The following KCNIP4 variants were observed in gnomAD, a reference collection of about 807,000 sequenced individuals.
KCNIP4 encodes the protein Kv channel-interacting protein 4.
In KCNIP4, 12 loss-of-function variants were observed where a neutral mutation model predicts 34.0. That is an observed-to-expected ratio of 0.35 (90% CI 0.23 to 0.57). The LOEUF (loss-of-function observed/expected upper bound fraction) is 0.57, where lower values mean the gene tolerates loss of function less well. Among genes scored for constraint, KCNIP4 ranks in the 20% least tolerant of loss-of-function variants. The pLI, the probability that KCNIP4 is intolerant of heterozygous loss-of-function variation, is 0.83. For missense variants in KCNIP4, 238 were observed against 311.7 expected, an observed-to-expected ratio of 0.76 and a Z score of 1.78; for synonymous variants, 124 against 102.2, an observed-to-expected ratio of 1.21 and a Z score of -1.29.
At chr4:20,944,022 T>C (rs1731926415) in intron 1 of KCNIP4, among the ~76,000 whole-genome samples, 1 of 152,196 alleles carries the variant, frequency 6.6e-6, no homozygotes, top group Non-Finnish European at 1.5e-5. Flanking sequence ...CCTTGACCAG[T>C]TGCTCTACCT....
intron 1 of KCNIP4, among the ~76,000 whole-genome samples, chr4:21,729,544 A>G (rs1031278033): frequency 6.6e-6 from 1 of 151,754 alleles, no homozygotes; most frequent in Admixed American, 6.6e-5. Flanking sequence ...GCTGTGTTCT[A>G]TGGAGCCTCA....
chr4:21,419,693 G>A (rs1209307404), intron 1 of KCNIP4, among the ~76,000 whole-genome samples: 4 of 152,080 alleles, frequency 2.6e-5, no homozygotes, highest in African/African-American at 9.7e-5. Flanking sequence ...AAAGTAAGGA[G>A]AGGGAGGAAA....
At chr4:21,880,222 T>A (rs894843552) in intron 1 of KCNIP4, among the ~76,000 whole-genome samples, 3 of 152,208 alleles carry the variant, frequency 2.0e-5, no homozygotes, top group Admixed American at 2.0e-4. Context: ...ACCAAAAATG[T>A]TTCATCATAT....
intron 1 of KCNIP4, among the ~76,000 whole-genome samples, chr4:21,345,006 T>C (rs1717149417): frequency 6.6e-6 from 1 of 152,126 alleles, no homozygotes; most frequent in Admixed American, 6.6e-5. Context: ...ATTCTTCTCT[T>C]CCAGTGGTGG....
intron 3 of KCNIP4, among the ~76,000 whole-genome samples, chr4:20,818,449 G>A (rs796778512): frequency 2.6e-5 from 4 of 152,270 alleles, no homozygotes; most frequent in African/African-American, 7.2e-5. Flanking sequence ...AGAAGCAGCC[G>A]ACTCTAGCCC....
At chr4:21,435,219 C>T (rs1726844287) in intron 1 of KCNIP4, among the ~76,000 whole-genome samples, 1 of 152,010 alleles carries the variant, frequency 6.6e-6, no homozygotes, top group African/African-American at 2.4e-5. Flanking sequence ...AAAATGTAAA[C>T]CAAGACATGA....
intron 1 of KCNIP4, chr4:21,697,746 G>T: frequency 9.8e-7 from 1 of 1,020,436 alleles, no homozygotes. Context: ...GCTCTGGTTC[G>T]GCTCGGCATC....
At chr4:20,762,889 C>A (rs1755065874) in intron 3 of KCNIP4, among the ~76,000 whole-genome samples, 1 of 152,102 alleles carries the variant, frequency 6.6e-6, no homozygotes, top group Non-Finnish European at 1.5e-5. Context: ...CCTGGGAAGG[C>A]CTCAGGAAAC....
chr4:20,954,164 A>G (rs1002960635), intron 1 of KCNIP4, among the ~76,000 whole-genome samples: 2 of 152,232 alleles, frequency 1.3e-5, no homozygotes, highest in African/African-American at 4.8e-5. Context: ...AATGATGGCA[A>G]GAAACCTGGA....
Position 21,234,346 on chromosome 4 carries a change from C to T in KCNIP4, c.62-351637G>A, listed in dbSNP as rs1354340672. The stretch of plus-strand genomic sequence containing the variant: ...ACATATATAAATTATATATAACATA[C>T]ATTATATATAACATATATAATATAT... On this transcript the variant is annotated intron_variant, in intron 1 of 8. Coordinates refer to ENST00000382152, the MANE Select transcript of KCNIP4 (RefSeq NM_025221.6). Among the ~76,000 whole-genome samples, 257 of 73,342 alleles carry T rather than the reference C, an allele frequency of 3.5e-3. 24 individuals are homozygous for T. The highest frequency in any genetic ancestry group is 0.013 in the Middle Eastern group (1 of 76). 48.1% of individuals were successfully genotyped at this position (73,342 alleles called of 152,430 possible).
At chr4:21,092,803 A>G (rs777358369) in intron 1 of KCNIP4, among the ~76,000 whole-genome samples, 52 of 152,210 alleles carry the variant, frequency 3.4e-4, no homozygotes, top group Admixed American at 2.7e-3. Flanking sequence ...TCAAGAACTC[A>G]CCGGCTTGCA....
chr4:21,265,784 G>A (rs1429792430), intron 1 of KCNIP4, among the ~76,000 whole-genome samples: 2 of 152,152 alleles, frequency 1.3e-5, no homozygotes, highest in Non-Finnish European at 2.9e-5. Context: ...ATCACTGTTT[G>A]TTTCTGACTT....
At chr4:20,910,137 A>C (rs1401433534) in intron 1 of KCNIP4, among the ~76,000 whole-genome samples, 1 of 152,156 alleles carries the variant, frequency 6.6e-6, no homozygotes, top group African/African-American at 2.4e-5. Flanking sequence ...ATGTTTTGCT[A>C]TAATAATGAT....
rs1461300429 is a variant in KCNIP4 at position 21,178,476 on chromosome 4, GACC to G, written c.62-295770_62-295768del. Among the ~76,000 whole-genome samples, 1,152 of 149,534 alleles carry G rather than the reference GACC, an allele frequency of 7.7e-3. 32 individuals carry two copies. The highest frequency in any genetic ancestry group is 0.027 in the African/African-American group (1,053 of 39,034). Reference sequence around the variant, plus strand: ...TTCACATGAAGGTAGTGGATTCACAGACCTCAGTTTATTTCCAGGTATAGTAAC... The same window carrying G: ...TTCACATGAAGGTAGTGGATTCACAGTCAGTTTATTTCCAGGTATAGTAAC... On this transcript the variant is annotated intron_variant, in intron 1 of 8. Coordinates refer to ENST00000382152, the MANE Select transcript of KCNIP4 (RefSeq NM_025221.6).
chr4:21,769,717 C>T (rs1407696249), intron 1 of KCNIP4, among the ~76,000 whole-genome samples: 2 of 152,102 alleles, frequency 1.3e-5, no homozygotes, highest in East Asian at 3.9e-4. Context: ...ATTTATGACA[C>T]TGACGTGCAA....
chr4:21,876,335 A>G (rs1349203116), intron 1 of KCNIP4, among the ~76,000 whole-genome samples: 2 of 152,200 alleles, frequency 1.3e-5, no homozygotes, highest in Admixed American at 6.5e-5. Context: ...TTACACACCC[A>G]TAATTTAAGG....
In KCNIP4 at chr4:21,321,783, G is replaced by GAGGA. The variant is rs374589684; in HGVS notation, c.62-439078_62-439075dup. Among the ~76,000 whole-genome samples the GAGGA allele has an allele frequency of 5.4e-3, 779 of 143,424 alleles. 13 individuals carry two copies. Among genetic ancestry groups the GAGGA allele is most frequent in the African/African-American group, 0.02 (738 of 36,796 alleles). 94.1% of individuals were successfully genotyped at this position (143,424 alleles called of 152,430 possible). A position where few individuals can be genotyped will look rare whatever the true frequency, so the allele number is the denominator to read the frequency against. ...GAAGGAAAGAAGGGAGGGAGGGAGA[G>GAGGA]AGGAAGGAAGGAGGGAGGGAGAAGA... On this transcript the variant is annotated intron_variant, in intron 1 of 8. Coordinates refer to ENST00000382152, the MANE Select transcript of KCNIP4 (RefSeq NM_025221.6).
At chr4:21,679,746 T>C (rs1238546853) in intron 1 of KCNIP4, among the ~76,000 whole-genome samples, 2 of 152,246 alleles carry the variant, frequency 1.3e-5, no homozygotes, top group Admixed American at 6.5e-5. Flanking sequence ...AAGTGAGTCA[T>C]ACAAATTTCT....
intron 1 of KCNIP4, among the ~76,000 whole-genome samples, chr4:21,060,657 A>C (rs149770530): frequency 6.6e-6 from 1 of 152,282 alleles, no homozygotes; most frequent in East Asian, 1.9e-4. Flanking sequence ...ATAAGTAAGA[A>C]TAGTTAAGAA....
Sources: allele counts gnomAD v4.1 joint callset (sites outside exome capture counted in the v4.1 genomes callset), GRCh38; gene constraint gnomAD v4.1.1; transcripts MANE v1.5; gene names NCBI Gene and HGNC (gene_info 2026-07-23, HGNC 2026-07-21).